Variants in LRRC37A2 observed in about 807,000 individuals in gnomAD.
LRRC37A2 encodes the protein leucine rich repeat containing 37 member A2, also known as leucine-rich repeat-containing protein 37A2.
In LRRC37A2, 9 loss-of-function variants were observed where a neutral mutation model predicts 68.8. That is an observed-to-expected ratio of 0.13 (90% CI 0.08 to 0.23). The LOEUF (loss-of-function observed/expected upper bound fraction) is 0.23. Among genes scored for constraint, LRRC37A2 ranks in the 10% least tolerant of loss-of-function variants. LRRC37A2 has a pLI of 1.00. For missense variants in LRRC37A2, 168 were observed against 950.4 expected (o/e 0.18, Z 10.82); for synonymous variants, 63 against 367.6 (o/e 0.17, Z 9.48).
chr17:46,869,920 A>C, the LRRC37A2 span, among the ~76,000 whole-genome samples: 1 of 151,630 alleles, frequency 6.6e-6, no homozygotes, highest in African/African-American at 2.4e-5. Context: ...AATTGCTTGA[A>C]CCCGGGAAGT....
the LRRC37A2 span, among the ~76,000 whole-genome samples, chr17:46,681,724 TC>T: frequency 1.4e-3 from 66 of 46,184 alleles, no homozygotes; most frequent in African/African-American, 6.1e-3. Flanking sequence ...CAAGGTCGTT[TC>T]CTTTCCTGCT....
the LRRC37A2 span, among the ~76,000 whole-genome samples, chr17:46,951,644 G>A: frequency 1.3e-5 from 2 of 152,178 alleles, no homozygotes; most frequent in Non-Finnish European, 2.9e-5. Flanking sequence ...TAGCATTGGA[G>A]AGCTTCCCCG....
chr17:46,800,017 T>G, the LRRC37A2 span, among the ~76,000 whole-genome samples: 1 of 151,810 alleles, frequency 6.6e-6, no homozygotes, highest in African/African-American at 2.4e-5. Context: ...GTGAGGGGAG[T>G]GCTGTCCCAG....
At chr17:46,881,442 C>T in the LRRC37A2 span, among the ~76,000 whole-genome samples, 1 of 152,244 alleles carries the variant, frequency 6.6e-6, no homozygotes. Flanking sequence ...ACAAGGTGGA[C>T]ACCCTTCTTC....
chr17:46,726,099 T>C, the LRRC37A2 span, among the ~76,000 whole-genome samples: 11 of 152,224 alleles, frequency 7.2e-5, no homozygotes, highest in African/African-American at 2.7e-4. Flanking sequence ...ACCATTATGG[T>C]CTGATTTGAG....
At chr17:46,849,006 T>G in the LRRC37A2 span, among the ~76,000 whole-genome samples, 1 of 152,090 alleles carries the variant, frequency 6.6e-6, no homozygotes, top group Non-Finnish European at 1.5e-5. Context: ...GAAGGAGCTA[T>G]TATCTGGGCA....
the LRRC37A2 span, among the ~76,000 whole-genome samples, chr17:46,811,963 AAAAGAAAGAAAG>A: frequency 6.6e-6 from 1 of 152,104 alleles, no homozygotes; most frequent in African/African-American, 2.4e-5. Flanking sequence ...TTTCAAGAAA[AAAAGAAAGAAAG>A]AAAGAAACTC....
the LRRC37A2 span, chr17:47,019,447 G>A: frequency 6.2e-7 from 1 of 1,609,972 alleles, no homozygotes; most frequent in African/African-American, 1.4e-5. Context: ...CCAGACCTAG[G>A]GCTTGCCATA....
chr17:46,723,880 G>T, the LRRC37A2 span, among the ~76,000 whole-genome samples: 1 of 152,086 alleles, frequency 6.6e-6, no homozygotes, highest in African/African-American at 2.4e-5. Context: ...TAAAACATAA[G>T]CCTGACATGT....
chr17:46,719,541 G>A, the LRRC37A2 span, among the ~76,000 whole-genome samples: 1 of 152,158 alleles, frequency 6.6e-6, no homozygotes, highest in African/African-American at 2.4e-5. This position sits in a 1 kb window ranked among gnomAD's most constrained non-coding sequence, Gnocchi z 4.3. Flanking sequence ...GCTGAAGTAT[G>A]TATGAGGTAT....
chr17:46,633,494 T>C, the LRRC37A2 span, among the ~76,000 whole-genome samples: 1 of 133,314 alleles, frequency 7.5e-6, no homozygotes, highest in African/African-American at 2.8e-5. Flanking sequence ...CTTCCCTCCT[T>C]AGCCTCCCAA....
rs541566445 is a variant in LRRC37A2 at position 46,543,093 on chromosome 17, G to A, written c.3053+2212G>A. ...TAGTTCTCTAAGATAGTGAGGATCT[G>A]TCTGCTTTTTTCTTGACCATTATTG... is the stretch of plus-strand genomic sequence containing the variant. On this transcript the variant is annotated intron_variant, in intron 8 of 14. Coordinates refer to ENST00000576629, the Ensembl canonical transcript of LRRC37A2. 1.5e-4 allele frequency among the ~76,000 whole-genome samples: 22 copies of A among 150,026 alleles called. No individual in the cohort carries two copies. The East Asian group carries it at 4.1e-3, about 28-fold the overall frequency.
the LRRC37A2 span, among the ~76,000 whole-genome samples, chr17:46,843,450 C>T: frequency 2.0e-5 from 3 of 152,204 alleles, 1 homozygote; most frequent in South Asian, 6.2e-4. Context: ...AAAAAAATCA[C>T]TCTGCAAAAT....
At chr17:46,534,733 G>T (rs1357702138) in intron 6 of LRRC37A2, among the ~76,000 whole-genome samples, 1 of 149,846 alleles carries the variant, frequency 6.7e-6, no homozygotes, top group Non-Finnish European at 1.5e-5. Flanking sequence ...ACGGGGTGGC[G>T]GCCGGGCAGA....
At chr17:46,900,174 T>TAC in the LRRC37A2 span, among the ~76,000 whole-genome samples, 1 of 30,352 alleles carries the variant, frequency 3.3e-5, no homozygotes, top group African/African-American at 1.7e-4. Flanking sequence ...TATACATATA[T>TAC]ATATATATAT....
chr17:46,812,555 G>T, the LRRC37A2 span, among the ~76,000 whole-genome samples: 1 of 152,148 alleles, frequency 6.6e-6, no homozygotes, highest in Admixed American at 6.5e-5. Flanking sequence ...GCAAGAGTCT[G>T]GCAGACTCTG....
chr17:46,963,236 AGAT>A, the LRRC37A2 span, among the ~76,000 whole-genome samples: 1 of 152,210 alleles, frequency 6.6e-6, no homozygotes. Flanking sequence ...GATTCTATAA[AGAT>A]GATCAGTTAA....
At chr17:46,739,700 ATT>A in the LRRC37A2 span, among the ~76,000 whole-genome samples, 2 of 150,662 alleles carry the variant, frequency 1.3e-5, no homozygotes, top group Admixed American at 1.3e-4. Context: ...CTATATTAAT[ATT>A]TTCTTCCACC....
the LRRC37A2 span, among the ~76,000 whole-genome samples, chr17:46,903,474 C>A: frequency 2.0e-5 from 3 of 152,078 alleles, no homozygotes; most frequent in Non-Finnish European, 4.4e-5. Flanking sequence ...CTGAATTGAC[C>A]AATCCAGAGG....
Sources: gnomAD v4.1 joint callset for allele counts (sites outside exome capture counted in the v4.1 genomes callset) on GRCh38, gnomAD v4.1.1 for gene constraint, Gnocchi (gnomAD v3.1) non-coding constraint, MANE v1.5 for transcripts, NCBI Gene and HGNC (gene_info 2026-07-23, HGNC 2026-07-21) for gene names.